Variants in ARID1B observed in about 807,000 individuals in gnomAD.
ARID1B encodes AT-rich interactive domain-containing protein 1B.
In ARID1B, 30 loss-of-function variants were observed where a neutral mutation model predicts 212.3. The ratio of observed to expected loss-of-function variants is 0.14; its 90% CI spans 0.11 to 0.19. The LOEUF is 0.19. Ranked by LOEUF, ARID1B falls within the 10% of genes least tolerant of loss-of-function variation. ARID1B has a pLI of 1.00. For synonymous variants in ARID1B, 1,402 were observed against 1,301.7 expected (o/e 1.08, Z -1.66); for missense variants, 2,891 against 3,204.0 (o/e 0.90, Z 2.36).
At chr6:157,055,745 C>T (rs1191294439) in intron 4 of ARID1B, among the ~76,000 whole-genome samples, 1 of 152,100 alleles carries the variant, frequency 6.6e-6, no homozygotes, top group African/African-American at 2.4e-5. Flanking sequence ...CTCAGGATCT[C>T]GTGAAGTTGA....
rs59729492 is a variant in ARID1B at position 156,921,785 on chromosome 6, T to G, written c.2137-13681T>G. ...GCTTCTTGCATTTTGAAAGCATTAT[T>G]GATACAATGCAAAACAACAGAATCT... On this transcript the variant is annotated intron_variant, in intron 3 of 19. Transcript: ENST00000636930. 1.8e-3 allele frequency among the ~76,000 whole-genome samples: 281 copies of G among 152,346 alleles called. 1 individual carries two copies. The highest frequency in any genetic ancestry group is 6.3e-3 in the African/African-American group (263 of 41,572).
chr6:157,181,889 T>G (rs911521536), intron 12 of ARID1B, among the ~76,000 whole-genome samples: 11 of 152,186 alleles, frequency 7.2e-5, no homozygotes, highest in Non-Finnish European at 8.8e-5. Flanking sequence ...CTGTGTAACC[T>G]TTGTCTTTCT....
chr6:156,971,055 A>G lies in ARID1B; in HGVS notation c.2247+35479A>G, dbSNP rs115341699. On this transcript the variant is annotated intron_variant, in intron 4 of 19. Transcript: ENST00000636930. ...TCCTCATTCATCTTCATCCTTCTTG[A>G]AGTTCACAGTTGATGAAATTTTTGG... Among the ~76,000 whole-genome samples the G allele has an allele frequency of 4.6e-3, 700 of 152,316 alleles. 8 individuals carry two copies. The highest frequency in any genetic ancestry group is 0.016 in the African/African-American group (663 of 41,556).
At chr6:156,998,011 G>A (rs1294023748) in intron 4 of ARID1B, among the ~76,000 whole-genome samples, 11 of 152,092 alleles carry the variant, frequency 7.2e-5, no homozygotes, top group Non-Finnish European at 1.2e-4. Flanking sequence ...ACCTCTTTCC[G>A]TTTAACGCTT....
intron 2 of ARID1B, among the ~76,000 whole-genome samples, chr6:156,855,996 A>G (rs1339234311): frequency 2.0e-5 from 3 of 152,220 alleles, no homozygotes; most frequent in Non-Finnish European, 4.4e-5. Context: ...TTCACGTATT[A>G]TAATTATAAC....
chr6:156,843,036 A>C (rs1233557672), intron 2 of ARID1B, among the ~76,000 whole-genome samples: 2 of 152,238 alleles, frequency 1.3e-5, no homozygotes, highest in African/African-American at 4.8e-5. Context: ...ACAGCATTAC[A>C]TAACCTGGAG....
chr6:156,815,291 A>G (rs1239886904), intron 1 of ARID1B, among the ~76,000 whole-genome samples: 1 of 152,210 alleles, frequency 6.6e-6, no homozygotes, highest in East Asian at 1.9e-4. Flanking sequence ...GAGTTTGTCC[A>G]TATACATTCT....
intron 1 of ARID1B, among the ~76,000 whole-genome samples, chr6:156,826,836 C>T (rs1270181668): frequency 6.6e-6 from 1 of 152,136 alleles, no homozygotes; most frequent in East Asian, 1.9e-4. Context: ...ACTCCCTTCC[C>T]TCCTGTAAGA....
At position 156,887,086 on chromosome 6, in the gene ARID1B, ACTC is replaced by A. The variant is rs200111978; in HGVS notation, c.1987-14286_1987-14284del. Among the ~76,000 whole-genome samples, 836 of 152,164 alleles carry A rather than the reference ACTC, an allele frequency of 5.5e-3. 8 individuals carry two copies. Among genetic ancestry groups the A allele is most frequent in the African/African-American group, 0.019 (801 of 41,492 alleles). On this transcript the variant is annotated intron_variant, in intron 2 of 19. Transcript: ENST00000636930. ...GAAAGATTTATTTATTTATAAACCC[ACTC>A]CTCATTTGTTATGAGAACATTCTGA...
chr6:157,099,841 C>T lies in ARID1B; in HGVS notation c.2492-10631C>T, dbSNP rs533130977. On this transcript the variant is annotated intron_variant, in intron 5 of 19. Coordinates refer to ENST00000636930, the MANE Select transcript of ARID1B (RefSeq NM_001374828.1). ...GAATAAAGGTATATGGCCCTGTGAA[C>T]GGTGCGTGGGAGCTGTCTTGTTCTC... Among the ~76,000 whole-genome samples, 8 of 152,248 alleles carry T rather than the reference C, an allele frequency of 5.3e-5. No individual in the cohort carries two copies. In the East Asian group the frequency reaches 9.7e-4, roughly 18 times the overall value.
chr6:157,184,446 G>T lies in ARID1B; in HGVS notation c.3919+11G>T. 6.2e-7 allele frequency: 1 copy of T among 1,613,834 alleles called. No individual in the cohort carries two copies. Among genetic ancestry groups the T allele is most frequent in the East Asian group, 2.2e-5 (1 of 44,872 alleles). ...AGCCGCCATCTCCTGGTAAGTGGCG[G>T]CGCTGCAGTCACTGGCCCAGGAAAG... On this transcript the variant is annotated intron_variant, in intron 13 of 19. Coordinates refer to ENST00000636930, the MANE Select transcript of ARID1B (RefSeq NM_001374828.1).
intron 1 of ARID1B, among the ~76,000 whole-genome samples, chr6:156,781,653 G>A (rs1779276492): frequency 6.6e-6 from 1 of 151,970 alleles, no homozygotes; most frequent in African/African-American, 2.4e-5. Flanking sequence ...TTGCTTTTAA[G>A]GATAATAGAT....
chr6:156,793,718 AG>A (rs997872014), intron 1 of ARID1B, among the ~76,000 whole-genome samples: 3 of 152,210 alleles, frequency 2.0e-5, no homozygotes, highest in African/African-American at 7.2e-5. Context: ...TCTAGTCAGG[AG>A]TGACTGGCAA....
rs1006313088 is a variant in ARID1B at position 156,777,487 on chromosome 6, G to A, written c.-194G>A. The A allele has an allele frequency of 6.6e-6, 1 of 150,950 alleles. No homozygotes were observed. The highest frequency in any genetic ancestry group is 1.5e-5 in the Non-Finnish European group (1 of 67,716). The allele number at this position is 150,950 out of a possible 1,614,324, so 9.4% of individuals were successfully genotyped here. A position where few individuals can be genotyped will look rare whatever the true frequency, so the allele number is the denominator to read the frequency against. On this transcript the variant is annotated 5_prime_UTR_variant, in exon 1 of 20. It removes an upstream start codon present in the reference 5' UTR. Coordinates refer to ENST00000636930, the MANE Select transcript of ARID1B (RefSeq NM_001374828.1). ...AACCTGAACTAAAAACTTTCACCATGAAAGCACACAGCAGGAGCAGGCCCA... is the reference window on the plus strand; with the variant it reads ...AACCTGAACTAAAAACTTTCACCATAAAAGCACACAGCAGGAGCAGGCCCA...
intron 6 of ARID1B, among the ~76,000 whole-genome samples, chr6:157,123,246 C>G (rs1231761387): frequency 8.0e-5 from 10 of 125,458 alleles, no homozygotes; most frequent in Non-Finnish European, 1.5e-4. Flanking sequence ...CCGCCCCCCC[C>G]CCACACACAC....
At chr6:157,199,732 C>T (rs767906006) in intron 17 of ARID1B, among the ~76,000 whole-genome samples, 3 of 151,888 alleles carry the variant, frequency 2.0e-5, no homozygotes, top group South Asian at 2.1e-4. Context: ...GGTGCAATCT[C>T]GGCTCACTGC....
At chr6:156,804,631 G>A (rs898042397) in intron 1 of ARID1B, among the ~76,000 whole-genome samples, 5 of 151,970 alleles carry the variant, frequency 3.3e-5, no homozygotes, top group African/African-American at 4.8e-5. Context: ...ATCAGATTTC[G>A]TGAGAACTAA....
At chr6:157,193,762 G>C (rs1263634907) in intron 15 of ARID1B, 1 of 152,210 alleles carries the variant, frequency 6.6e-6, no homozygotes, top group African/African-American at 2.4e-5. Context: ...ACTTTTGCTT[G>C]CATCTCACTT....
chr6:157,057,178 A>G (rs1449261813), intron 4 of ARID1B, among the ~76,000 whole-genome samples: 3 of 150,708 alleles, frequency 2.0e-5, no homozygotes, highest in Non-Finnish European at 4.4e-5. Flanking sequence ...TTCTATTTTT[A>G]TTAGAGATGG....
Sources: allele counts gnomAD v4.1 joint callset (sites outside exome capture counted in the v4.1 genomes callset), GRCh38; gene constraint gnomAD v4.1.1; transcripts MANE v1.5; gene names NCBI Gene and HGNC (gene_info 2026-07-23, HGNC 2026-07-21).